SYNJ1: variants seen among roughly 807,000 people sequenced by gnomAD.
The protein encoded by SYNJ1 is synaptojanin 1.
SYNJ1 carries 78 observed loss-of-function variants against 168.2 expected under a neutral mutation model. The observed-to-expected ratio is 0.46, with a 90% confidence interval of 0.39 to 0.56. The LOEUF (loss-of-function observed/expected upper bound fraction) is 0.56, where lower values mean the gene tolerates loss of function less well. SYNJ1 is among the 20% of genes least tolerant of loss of function. The pLI, the probability that SYNJ1 is intolerant of heterozygous loss-of-function variation, is 0.00. For missense variants in SYNJ1, 1,303 were observed against 1,597.6 expected (o/e 0.82, Z 3.14); for synonymous variants, 539 against 548.6 (o/e 0.98, Z 0.24).
At chr21:32,663,246 A>C (rs2040786371) in intron 18 of SYNJ1, among the ~76,000 whole-genome samples, 1 of 152,144 alleles carries the variant, frequency 6.6e-6, no homozygotes, top group Non-Finnish European at 1.5e-5. Flanking sequence ...TAAAAACCTC[A>C]ATTATTGGAC....
At chr21:32,639,242 C>T in intron 30 of SYNJ1, 117 bp from the exon 31 acceptor site, 1 of 931,556 alleles carries the variant, frequency 1.1e-6, no homozygotes, top group Non-Finnish European at 1.6e-6. Flanking sequence ...TAAGTAGCCT[C>T]ATTTCTTGTG....
At chr21:32,658,187 C>T (rs922311160) in intron 18 of SYNJ1, among the ~76,000 whole-genome samples, 3 of 152,164 alleles carry the variant, frequency 2.0e-5, no homozygotes, top group Admixed American at 6.5e-5. Flanking sequence ...CCTGTTTTCT[C>T]GCTCGAATGT....
Position 32,687,048 on chromosome 21 carries a change from T to C in SYNJ1, c.878A>G (p.Tyr293Cys). The C allele has an allele frequency of 6.5e-7, 1 of 1,530,538 alleles. No individual in the cohort carries two copies. The highest frequency in any genetic ancestry group is 8.8e-7 in the Non-Finnish European group (1 of 1,141,194). 94.8% of individuals were successfully genotyped at this position (1,530,538 alleles called of 1,614,324 possible). A position where few individuals can be genotyped will look rare whatever the true frequency, so the allele number is the denominator to read the frequency against. The change falls in exon 8 of 33, where the codon TAT becomes TGT. Residue 293 changes from tyrosine (Y) to cysteine (C), a missense_variant. Coordinates refer to ENST00000674351, the MANE Select transcript of SYNJ1 (RefSeq NM_203446.3). ...DRHFRTLKNLYGKQIIVNLLG... is the reference protein window; with the variant it reads ...DRHFRTLKNLCGKQIIVNLLG... ...CAAATTTACTATTATTTGTTTACCA[T>C]ATAAGTTCTTAAGTGTTCTAAAATG...
chr21:32,681,787 AC>A (rs2041634866), intron 10 of SYNJ1, 139 bp from the exon 11 acceptor site: 4 of 679,828 alleles, frequency 5.9e-6, no homozygotes, highest in Non-Finnish European at 9.1e-6. Flanking sequence ...ATAACAGTTT[AC>A]TAGGCTGAGT....
rs749741780 is a variant in SYNJ1 at position 32,699,877 on chromosome 21, C to T, written c.440G>A (p.Arg147His). Residue 147 changes from arginine (R) to histidine (H), a missense_variant, in exon 4 of 33, where the codon CGT becomes CAT. By Grantham distance (29) the Arg-to-His change is conservative (BLOSUM62 0). This residue lies in a region of SYNJ1 where 920 missense variants were observed against 1,208.8 expected (regional missense o/e 0.76). Coordinates refer to ENST00000674351, the MANE Select transcript of SYNJ1 (RefSeq NM_203446.3). ...ATCAGTTGTCTGTTCTTGCATGCTACGATGCGCATTAAGACTCAAATCTAA... is the reference window on the plus strand; with the variant it reads ...ATCAGTTGTCTGTTCTTGCATGCTATGATGCGCATTAAGACTCAAATCTAA... The part of the protein sequence containing the change: ...ISLDLSLNAH[R>H]SMQEQTTDNR... 5 of 1,613,886 alleles carry T rather than the reference C, an allele frequency of 3.1e-6. No homozygotes were observed. The South Asian group carries it at 3.3e-5, about 11-fold the overall frequency.
At chr21:32,643,961 A>G (rs1601253136) in intron 26 of SYNJ1, among the ~76,000 whole-genome samples, 1 of 152,230 alleles carries the variant, frequency 6.6e-6, no homozygotes, top group Non-Finnish European at 1.5e-5. Context: ...AACACTACTT[A>G]CAAAAGAATT....
At position 32,639,070 on chromosome 21, in the gene SYNJ1, A is replaced by C. The variant is rs150595970; in HGVS notation, c.3753T>G (p.Ser1251=). 1.8e-4 allele frequency: 293 copies of C among 1,614,018 alleles called. No homozygotes were observed. The highest frequency in any genetic ancestry group is 2.2e-4 in the Non-Finnish European group (256 of 1,179,996). Residue 1251 remains serine (S), a synonymous_variant, in exon 31 of 33, where the codon TCT becomes TCG. Transcript: ENST00000674351. ...ACCTTTGAGCAGGCGGGGGCAAAGAAGACTGCGGAGGAAAAGCAGCCTGAG... is the reference window on the plus strand; with the variant it reads ...ACCTTTGAGCAGGCGGGGGCAAAGACGACTGCGGAGGAAAAGCAGCCTGAG... The part of the protein sequence containing the change: ...LKPQAAFPPQ[S]SLPPPAQRLQ...
At chr21:32,718,200 T>A (rs536610978) in intron 2 of SYNJ1, among the ~76,000 whole-genome samples, 11 of 152,164 alleles carry the variant, frequency 7.2e-5, no homozygotes, top group African/African-American at 2.6e-4. Flanking sequence ...AGCCACAGAG[T>A]TTTTACTATT....
At chr21:32,641,809 C>A in intron 29 of SYNJ1, 87 bp downstream of exon 29, 1 of 962,494 alleles carries the variant, frequency 1.0e-6, no homozygotes, top group South Asian at 1.6e-5. Context: ...TGAAGGGTCA[C>A]ATGATTTCTC....
At chr21:32,649,883 G>C (rs1488172318) in intron 23 of SYNJ1, among the ~76,000 whole-genome samples, 2 of 152,178 alleles carry the variant, frequency 1.3e-5, no homozygotes, top group East Asian at 3.9e-4. Flanking sequence ...CTGAGTAGCT[G>C]GGATTACAGG....
chr21:32,678,882 A>C, intron 11 of SYNJ1, 81 bp from the exon 12 acceptor site: 1 of 1,546,156 alleles, frequency 6.5e-7, no homozygotes, highest in Non-Finnish European at 8.7e-7. Flanking sequence ...TTGAAATTTT[A>C]AATCAGTTTT....
At chr21:32,709,742 T>G (rs1389551011) in intron 2 of SYNJ1, among the ~76,000 whole-genome samples, 1 of 151,698 alleles carries the variant, frequency 6.6e-6, no homozygotes, top group Non-Finnish European at 1.5e-5. Flanking sequence ...GGTCTTGAAC[T>G]CCTGAGCTCC....
At chr21:32,704,118 T>A (rs1407560223) in intron 2 of SYNJ1, among the ~76,000 whole-genome samples, 3 of 152,214 alleles carry the variant, frequency 2.0e-5, no homozygotes, top group African/African-American at 7.2e-5. Flanking sequence ...TAATGCATAA[T>A]AACTATCTTC....
At position 32,631,441 on chromosome 21, in the gene SYNJ1, C is replaced by T. The variant is rs1158735601; in HGVS notation, c.*364G>A. 6.2e-7 allele frequency: 1 copy of T among 1,614,122 alleles called. No individual in the cohort carries two copies. Among genetic ancestry groups the T allele is most frequent in the South Asian group, 1.1e-5 (1 of 91,080 alleles). On this transcript the variant is annotated 3_prime_UTR_variant, in exon 33 of 33. Coordinates refer to ENST00000674351, the MANE Select transcript of SYNJ1 (RefSeq NM_203446.3). The stretch of plus-strand genomic sequence containing the variant: ...TCTTCTTTGGAGAACCATGAAGTTG[C>T]CTCTGATTCTTCAGACTTGGCTCTA...
chr21:32,652,527 C>T (rs2040310677), intron 22 of SYNJ1, among the ~76,000 whole-genome samples: 1 of 152,080 alleles, frequency 6.6e-6, no homozygotes, highest in South Asian at 2.1e-4. Context: ...TTTTTTTTCT[C>T]CAAAGAAGTT....
chr21:32,641,493 C>A (rs2039833238), intron 29 of SYNJ1, among the ~76,000 whole-genome samples: 1 of 151,940 alleles, frequency 6.6e-6, no homozygotes. Flanking sequence ...CCTTTAGAAC[C>A]AGTTTTACTA....
rs765570814 is a variant in SYNJ1, at chr21:32,694,242, G to A, written c.775C>T (p.Gln259Ter). Residue 259 changes from glutamine (Q) to a stop codon, truncating the protein, a stop_gained, in exon 6 of 33, where the codon CAA becomes TAA. Coordinates refer to ENST00000674351, the MANE Select transcript of SYNJ1 (RefSeq NM_203446.3). LOFTEE classifies it high-confidence loss of function. ...CAAACACATACTTGCAACCCTGGTT[G>A]CTCCCAGAACAATGGAACAGATCCT... is the stretch of plus-strand genomic sequence containing the variant. Reference protein sequence around the residue: ...IRGSVPLFWEQPGLQVGSHRV... With the variant: ...IRGSVPLFWE 4 of 1,537,306 alleles carry A rather than the reference G, an allele frequency of 2.6e-6. No individual in the cohort carries two copies. The highest frequency in any genetic ancestry group is 1.3e-5 in the South Asian group (1 of 78,066).
chr21:32,701,999 T>C lies in SYNJ1; in HGVS notation c.173A>G (p.Asp58Gly), dbSNP rs1230668385. 2 of 1,579,622 alleles carry C rather than the reference T, an allele frequency of 1.3e-6. No individual in the cohort carries two copies. The highest frequency in any genetic ancestry group is 1.7e-6 in the Non-Finnish European group (2 of 1,156,970). Residue 58 changes from aspartate (D) to glycine (G), a missense_variant, in exon 3 of 33, where the codon GAT becomes GGT. Physicochemically the swap from Asp to Gly is moderately conservative, Grantham distance 94 (BLOSUM62 -1). Transcript: ENST00000674351. ...AIKGTYSKVL[D>G]AYGLLGVLRL... is the part of the protein sequence containing the mutation. ...CAGAACACCTAAGAGTCCATATGCA[T>C]CCAGTACTTTGGAGTATGTACCCTT...
Position 32,631,116 on chromosome 21 carries a change from G to C in SYNJ1, c.*689C>G. 1 of 1,614,142 alleles carries C rather than the reference G, an allele frequency of 6.2e-7. No individual in the cohort carries two copies. The highest frequency in any genetic ancestry group is 8.5e-7 in the Non-Finnish European group (1 of 1,180,034). On this transcript the variant is annotated 3_prime_UTR_variant, in exon 33 of 33. Transcript: ENST00000674351. ...AGGAGGTGGAGGAGGTCTTCTTGAC[G>C]GCAACACACAGAAGGAGACATTTGT...
Sources: allele counts gnomAD v4.1 joint callset (sites outside exome capture counted in the v4.1 genomes callset), GRCh38; gene constraint gnomAD v4.1.1; regional missense constraint gnomAD v4.1.1; transcripts MANE v1.5; gene names NCBI Gene and HGNC (gene_info 2026-07-23, HGNC 2026-07-21).